Variants in IFT22 observed in about 807,000 individuals in gnomAD.
The protein encoded by IFT22 is intraflagellar transport 22, also known as intraflagellar transport protein 22 homolog.
In IFT22, 13 loss-of-function variants were observed where a neutral mutation model predicts 21.0. That is an observed-to-expected ratio of 0.62 (90% CI 0.40 to 0.98). The LOEUF is 0.98. IFT22 is among the 50% of genes least tolerant of loss of function. The probability of loss-of-function intolerance (pLI) is 0.00; values close to 1 mark genes in which losing one functional copy is unlikely to be tolerated. For missense variants in IFT22, 227 were observed against 228.9 expected (o/e 0.99, Z 0.06); for synonymous variants, 67 against 82.4 (o/e 0.81, Z 1.01).
intron 3 of IFT22, among the ~76,000 whole-genome samples, chr7:101,316,839 G>T (rs35757856): frequency 0.15 from 23,217 of 152,018 alleles, 1,859 homozygotes; most frequent in South Asian, 0.16. Context: ...CAGGAGAATG[G>T]CGTGAACCCA....
At chr7:101,316,796 C>T (rs1382921406) in intron 3 of IFT22, among the ~76,000 whole-genome samples, 1 of 152,024 alleles carries the variant, frequency 6.6e-6, no homozygotes, top group Non-Finnish European at 1.5e-5. Context: ...TGGTTGTGGG[C>T]ACCTATAGTC....
At chr7:101,316,700 G>T (rs1584310941) in intron 3 of IFT22, among the ~76,000 whole-genome samples, 158 bp from the exon 4 acceptor site, 1 of 152,206 alleles carries the variant, frequency 6.6e-6, no homozygotes, top group South Asian at 2.1e-4. Flanking sequence ...CGAGGCGGGC[G>T]ATCACGAGGT....
At position 101,321,726 on chromosome 7, in the gene IFT22, T is replaced by C. The variant is rs532676178; in HGVS notation, c.-17A>G. The C allele has an allele frequency of 2.5e-4, 397 of 1,590,850 alleles. 1 individual carries two copies. The Middle Eastern group carries it at 5.3e-3, about 21-fold the overall frequency. On this transcript the variant is annotated 5_prime_UTR_variant, in exon 1 of 5. Coordinates refer to ENST00000315322, the MANE Select transcript of IFT22 (RefSeq NM_022777.4). ...TTTCAGCATAGTTGTCCGCCGCGGC[T>C]TAGCCGGCCGGAGCCCACGGGAGGC...
chr7:101,318,082 T>C (rs1790214469), intron 3 of IFT22, 42 bp downstream of exon 3: 1 of 1,574,316 alleles, frequency 6.4e-7, no homozygotes, highest in African/African-American at 1.4e-5. Flanking sequence ...CAGCTGATTT[T>C]TAAACCATTT....
chr7:101,321,697 T>C lies in IFT22; in HGVS notation c.13A>G (p.Lys5Glu), dbSNP rs543908510. 3.7e-6 allele frequency: 6 copies of C among 1,603,330 alleles called. No homozygotes were observed. The highest frequency in any genetic ancestry group is 2.3e-5 in the East Asian group (1 of 44,432). Residue 5 changes from lysine to glutamate, a missense_variant, in exon 1 of 5, where the codon AAG becomes GAG. Lys to Glu is a moderately conservative substitution (Grantham distance 56). Transcript: ENST00000315322. MLKA[K>E]ILFVGPCESG... Reference sequence around the variant, plus strand: ...TCGCAAGGCCCCACGAAGAGGATCTTGGCTTTCAGCATAGTTGTCCGCCGC... The same window carrying C: ...TCGCAAGGCCCCACGAAGAGGATCTCGGCTTTCAGCATAGTTGTCCGCCGC...
chr7:101,314,144 AC>A lies in IFT22; in HGVS notation c.*989del, dbSNP rs1790062302. On this transcript the variant is annotated 3_prime_UTR_variant, in exon 5 of 5. Coordinates refer to ENST00000315322, the MANE Select transcript of IFT22 (RefSeq NM_022777.4). ...AGTGCTGGGATTACAAGTGTGAGCC[AC>A]CGCTCCTGGGCTAGAACTCTTTTTT... 6.7e-6 allele frequency: 1 copy of A among 148,878 alleles called. No homozygotes were observed. Among genetic ancestry groups the A allele is most frequent in the Non-Finnish European group, 1.5e-5 (1 of 67,740 alleles). 9.2% of individuals were successfully genotyped at this position (148,878 alleles called of 1,614,324 possible).
intron 1 of IFT22, 98 bp downstream of exon 1, chr7:101,321,573 C>T: frequency 7.5e-7 from 1 of 1,338,928 alleles, no homozygotes; most frequent in South Asian, 1.4e-5. Flanking sequence ...GTTCCCGCCT[C>T]CGGGAGCAAG....
chr7:101,318,138 A>C lies in IFT22; in HGVS notation c.192T>G (p.Cys64Trp), dbSNP rs781644963. 1 of 1,613,196 alleles carries C rather than the reference A, an allele frequency of 6.2e-7. No individual in the cohort carries two copies. The highest frequency in any genetic ancestry group is 8.5e-7 in the Non-Finnish European group (1 of 1,179,352). ...AGGAAACATACTTAGCATCGCCACC[A>C]CAGTCCCATAGCTCGAATTCACAGC... ...GTGCEFELWD[C>W]GGDAKFESCW... is the part of the protein sequence containing the mutation. The change falls in exon 3 of 5, where the codon TGT (cysteine) becomes TGG (tryptophan). Residue 64 changes from cysteine (C) to tryptophan (W), a missense_variant. Cys to Trp is a radical substitution (Grantham distance 215). Transcript: ENST00000315322.
At chr7:101,319,438 G>C (rs572104003) in intron 1 of IFT22, among the ~76,000 whole-genome samples, 30 of 151,768 alleles carry the variant, frequency 2.0e-4, no homozygotes, top group African/African-American at 7.0e-4. Flanking sequence ...ACTCGGGCTG[G>C]TCTCGAACTC....
chr7:101,315,417 A>G, intron 4 of IFT22, 135 bp from the exon 5 acceptor site: 1 of 944,836 alleles, frequency 1.1e-6, no homozygotes, highest in Non-Finnish European at 1.6e-6. Context: ...ACCAGAGAAC[A>G]GAGAATGGGT....
chr7:101,316,963 CTTTTT>C (rs879614707), intron 3 of IFT22, among the ~76,000 whole-genome samples: 1 of 145,708 alleles, frequency 6.9e-6, no homozygotes, highest in Non-Finnish European at 1.5e-5. Context: ...TGGGGGATGA[CTTTTT>C]TTTTTTAAGA....
At position 101,318,975 on chromosome 7, in the gene IFT22, T is replaced by C; in HGVS notation, c.97A>G (p.Ser33Gly). ...GCTCACCTCACTCCTTGGGTTGGGC[T>C]GTATTCAGTGATGTCAGAAGATTCT... ...LTESSDITEY[S>G]PTQGVRILEF... The change falls in exon 2 of 5, where the codon AGC becomes GGC. Residue 33 changes from serine to glycine, a missense_variant. Physicochemically the swap from Ser to Gly is moderately conservative, Grantham distance 56 (BLOSUM62 0). Coordinates refer to ENST00000315322, the MANE Select transcript of IFT22 (RefSeq NM_022777.4). 6.2e-7 allele frequency: 1 copy of C among 1,613,910 alleles called. No homozygotes were observed. Among genetic ancestry groups the C allele is most frequent in the Non-Finnish European group, 8.5e-7 (1 of 1,179,844 alleles).
At position 101,313,207 on chromosome 7, in the gene IFT22, C is replaced by T. The variant is rs757610908; in HGVS notation, c.*1927G>A. On this transcript the variant is annotated 3_prime_UTR_variant, in exon 5 of 5. Transcript: ENST00000315322. Reference sequence around the variant, plus strand: ...TACAGGTGTGTGCCAACATGCCTGGCGAATTTTTGTATTTTTAGTAGAGAT... The same window carrying T: ...TACAGGTGTGTGCCAACATGCCTGGTGAATTTTTGTATTTTTAGTAGAGAT... 7.2e-5 allele frequency among the ~76,000 whole-genome samples: 11 copies of T among 152,188 alleles called. No individual in the cohort carries two copies. Among genetic ancestry groups the T allele is most frequent in the Admixed American group, 2.6e-4 (4 of 15,280 alleles).
rs898680770 is a variant in IFT22, at chr7:101,311,780, G to T, written c.*3354C>A. 2.0e-5 allele frequency among the ~76,000 whole-genome samples: 3 copies of T among 152,172 alleles called. No homozygotes were observed. Among genetic ancestry groups the T allele is most frequent in the Non-Finnish European group, 4.4e-5 (3 of 68,030 alleles). On this transcript the variant is annotated 3_prime_UTR_variant, in exon 5 of 5. Coordinates refer to ENST00000315322, the MANE Select transcript of IFT22 (RefSeq NM_022777.4). ...TAATCCCAGCACTTTGGGAGGCTGAGGCGGGTAGACCACAAGGTCAGGAGT... is the reference window on the plus strand; with the variant it reads ...TAATCCCAGCACTTTGGGAGGCTGATGCGGGTAGACCACAAGGTCAGGAGT...
Position 101,318,976 on chromosome 7 carries a change from G to A in IFT22, c.96C>T (p.Tyr32=), listed in dbSNP as rs779954096. Reference sequence around the variant, plus strand: ...CTCACCTCACTCCTTGGGTTGGGCTGTATTCAGTGATGTCAGAAGATTCTG... The same window carrying A: ...CTCACCTCACTCCTTGGGTTGGGCTATATTCAGTGATGTCAGAAGATTCTG... The part of the protein sequence containing the change: ...FLTESSDITE[Y]SPTQGVRILE... Residue 32 remains tyrosine, a synonymous_variant, in exon 2 of 5, where the codon TAC becomes TAT. Transcript: ENST00000315322. 6.2e-7 allele frequency: 1 copy of A among 1,613,832 alleles called. No homozygotes were observed. Among genetic ancestry groups the A allele is most frequent in the South Asian group, 1.1e-5 (1 of 91,074 alleles).
chr7:101,316,634 G>A, intron 3 of IFT22, 92 bp from the exon 4 acceptor site: 1 of 1,341,566 alleles, frequency 7.5e-7, no homozygotes, highest in Non-Finnish European at 1.0e-6. Flanking sequence ...TTAAAAGTTG[G>A]TCTATGACGG....
At position 101,313,089 on chromosome 7, in the gene IFT22, CT is replaced by C. The variant is rs1790023712; in HGVS notation, c.*2044del. 6.6e-6 allele frequency among the ~76,000 whole-genome samples: 1 copy of C among 152,228 alleles called. No homozygotes were observed. The highest frequency in any genetic ancestry group is 1.5e-5 in the Non-Finnish European group (1 of 68,044). On this transcript the variant is annotated 3_prime_UTR_variant, in exon 5 of 5. Transcript: ENST00000315322. ...CCTCAGGATTTCCACCCGTCTCAGACTCCCAAAGTGTTGGGATTACAGGCGT... is the reference window on the plus strand; with the variant it reads ...CCTCAGGATTTCCACCCGTCTCAGACCCCAAAGTGTTGGGATTACAGGCGT...
intron 1 of IFT22, among the ~76,000 whole-genome samples, chr7:101,319,883 G>T (rs1022640764): frequency 2.0e-5 from 3 of 151,858 alleles, no homozygotes; most frequent in African/African-American, 7.3e-5. Context: ...GAGCTCAAGT[G>T]GTCTCCCCAC....
chr7:101,318,928 T>C (rs1790246384), intron 2 of IFT22, 28 bp downstream of exon 2: 1 of 1,576,770 alleles, frequency 6.3e-7, no homozygotes, highest in Admixed American at 1.7e-5. Flanking sequence ...AGTTGGACAC[T>C]CTGGGACACA....
Sources: allele counts gnomAD v4.1 joint callset (sites outside exome capture counted in the v4.1 genomes callset), GRCh38; gene constraint gnomAD v4.1.1; transcripts MANE v1.5; gene names NCBI Gene and HGNC (gene_info 2026-07-23, HGNC 2026-07-21).